The following CDO1 variants were observed in gnomAD, a reference collection of about 807,000 sequenced individuals.
The protein encoded by CDO1 is cysteine dioxygenase type 1.
In CDO1, 19 loss-of-function variants were observed where a neutral mutation model predicts 24.5. That is an observed-to-expected ratio of 0.77 (90% CI 0.54 to 1.14). The LOEUF is 1.14. CDO1 is among the 50% of genes most tolerant of loss of function. The pLI, the probability that CDO1 is intolerant of heterozygous loss-of-function variation, is 0.00. For missense variants in CDO1, 244 were observed against 244.8 expected (o/e 1.00, Z 0.02); for synonymous variants, 91 against 87.0 (o/e 1.05, Z -0.26).
chr5:115,815,824 C>G (rs1020664794), intron 1 of CDO1, among the ~76,000 whole-genome samples: 1 of 152,230 alleles, frequency 6.6e-6, no homozygotes, highest in African/African-American at 2.4e-5. Flanking sequence ...TGAGTGCGGT[C>G]TCTCCGCATC....
intron 3 of CDO1, among the ~76,000 whole-genome samples, chr5:115,810,216 T>C (rs1284190776): frequency 6.6e-6 from 1 of 152,194 alleles, no homozygotes; most frequent in African/African-American, 2.4e-5. Flanking sequence ...GAATCAGAGC[T>C]TCCTGCCACA....
At chr5:115,814,941 C>G (rs1175924271) in intron 1 of CDO1, among the ~76,000 whole-genome samples, 2 of 152,190 alleles carry the variant, frequency 1.3e-5, no homozygotes, top group East Asian at 3.9e-4. Context: ...GCTAGACTCT[C>G]TGCTAGCTTT....
At chr5:115,816,100 G>T (rs1760428236) in intron 1 of CDO1, 128 bp downstream of exon 1, 13 of 927,156 alleles carry the variant, frequency 1.4e-5, no homozygotes, top group Non-Finnish European at 1.7e-5. Flanking sequence ...CCAGCGAGGG[G>T]GCGAGCGGCG....
At chr5:115,813,341 A>G (rs1760282127) in intron 1 of CDO1, 83 bp from the exon 2 acceptor site, 2 of 737,322 alleles carry the variant, frequency 2.7e-6, no homozygotes, top group Non-Finnish European at 4.8e-6. Flanking sequence ...ACCAAGTACC[A>G]TTTATTCACA....
intron 2 of CDO1, among the ~76,000 whole-genome samples, chr5:115,812,658 G>C (rs1025693639): frequency 6.6e-6 from 1 of 152,100 alleles, no homozygotes; most frequent in African/African-American, 2.4e-5. Flanking sequence ...ATTCATTTTG[G>C]GGGCTGGTTT....
Position 115,805,465 on chromosome 5 carries a change from G to A in CDO1, c.574-3C>T. 1.2e-6 allele frequency: 2 copies of A among 1,613,478 alleles called. No homozygotes were observed. The highest frequency in any genetic ancestry group is 1.7e-6 in the Non-Finnish European group (2 of 1,179,646). On this transcript the variant is annotated splice_polypyrimidine_tract_variant and splice_region_variant and intron_variant, in intron 4 of 4. Coordinates refer to ENST00000250535, the MANE Select transcript of CDO1 (RefSeq NM_001801.3). Reference sequence around the variant, plus strand: ...TTCTCCAGCGAGCCCGAAGTTGCCTGTAAAAAAGGGAAAAAAAGAAAGCTG... The same window carrying A: ...TTCTCCAGCGAGCCCGAAGTTGCCTATAAAAAAGGGAAAAAAAGAAAGCTG...
Position 115,811,281 on chromosome 5 carries a change from G to A in CDO1, c.283C>T (p.Leu95=). ...TTTAGATTTCCCTGTAGCATCTTCA[G>A]AAAGCAGTGGGAGTTGGTATGATCA... The part of the protein sequence containing the change: ...IHDHTNSHCF[L]KMLQGNLKET... Residue 95 remains leucine (L), a synonymous_variant, in exon 3 of 5, where the codon CTG becomes TTG. Transcript: ENST00000250535. The A allele has an allele frequency of 6.2e-7, 1 of 1,613,230 alleles. No homozygotes were observed. Among genetic ancestry groups the A allele is most frequent in the Non-Finnish European group, 8.5e-7 (1 of 1,179,418 alleles).
chr5:115,811,454 T>C (rs1220225778), intron 2 of CDO1, 139 bp from the exon 3 acceptor site: 2 of 593,352 alleles, frequency 3.4e-6, no homozygotes, highest in Admixed American at 6.2e-5. Context: ...GCTGAATTTT[T>C]AAAATGTTAT....
At position 115,811,296 on chromosome 5, in the gene CDO1, T is replaced by C. The variant is rs764359898; in HGVS notation, c.268A>G (p.Asn90Asp). 2 of 1,612,904 alleles carry C rather than the reference T, an allele frequency of 1.2e-6. No individual in the cohort carries two copies. Among genetic ancestry groups the C allele is most frequent in the South Asian group, 1.1e-5 (1 of 91,050 alleles). The change falls in exon 3 of 5, where the codon AAC becomes GAC. Residue 90 changes from asparagine (N) to aspartate (D), a missense_variant. Transcript: ENST00000250535. ...GHGSSIHDHT[N>D]SHCFLKMLQG... ...AGCATCTTCAGAAAGCAGTGGGAGT[T>C]GGTATGATCATGAATACTGCTATAT...
chr5:115,811,458 A>G (rs1335591966), intron 2 of CDO1, 143 bp from the exon 3 acceptor site: 5 of 590,376 alleles, frequency 8.5e-6, no homozygotes, highest in Non-Finnish European at 1.5e-5. Flanking sequence ...AATTTTTAAA[A>G]TGTTATCAAC....
At chr5:115,812,800 C>T (rs1024584641) in intron 2 of CDO1, among the ~76,000 whole-genome samples, 13 of 152,106 alleles carry the variant, frequency 8.5e-5, no homozygotes, top group African/African-American at 2.7e-4. Context: ...GTAATCCCAG[C>T]ACTTTGGGAT....
chr5:115,811,085 A>G, intron 3 of CDO1, 76 bp downstream of exon 3: 2 of 1,327,870 alleles, frequency 1.5e-6, no homozygotes, highest in South Asian at 1.3e-5. Flanking sequence ...CTGCATAAAA[A>G]GTGTAAGTAA....
chr5:115,815,934 A>T (rs568319474), intron 1 of CDO1, among the ~76,000 whole-genome samples: 1 of 152,296 alleles, frequency 6.6e-6, no homozygotes, highest in South Asian at 2.1e-4. Context: ...TTTGCGGGAG[A>T]GAAGAGAACA....
rs944093622 is a variant in CDO1, at chr5:115,805,581, C to T, written c.574-119G>A. 9 of 831,464 alleles carry T rather than the reference C, an allele frequency of 1.1e-5. No homozygotes were observed. In the Admixed American group the frequency reaches 1.5e-4, roughly 14 times the overall value. The allele number at this position is 831,464 out of a possible 1,614,324, so 51.5% of individuals were successfully genotyped here. ...GAAAACTCAGCAAGGGCAAGGGAGCCTTGTTGTTTTTCCCGCAATAAGAAT... is the reference window on the plus strand; with the variant it reads ...GAAAACTCAGCAAGGGCAAGGGAGCTTTGTTGTTTTTCCCGCAATAAGAAT... On this transcript the variant is annotated intron_variant, in intron 4 of 4. Coordinates refer to ENST00000250535, the MANE Select transcript of CDO1 (RefSeq NM_001801.3).
Position 115,816,636 on chromosome 5 carries a change from C to T in CDO1, c.-239G>A, listed in dbSNP as rs1760469470. 1.8e-6 allele frequency: 1 copy of T among 544,338 alleles called. No individual in the cohort carries two copies. The highest frequency in any genetic ancestry group is 3.3e-6 in the Non-Finnish European group (1 of 301,474). 33.7% of individuals were successfully genotyped at this position (544,338 alleles called of 1,614,324 possible). ...CCGGGATCGCTGGAGACGCGGTGCACACACAAATCAGGTTCAGATCTGTGG... is the reference window on the plus strand; with the variant it reads ...CCGGGATCGCTGGAGACGCGGTGCATACACAAATCAGGTTCAGATCTGTGG... On this transcript the variant is annotated 5_prime_UTR_variant, in exon 1 of 5. In the 5' UTR this introduces an upstream ATG that the reference lacks. Coordinates refer to ENST00000250535, the MANE Select transcript of CDO1 (RefSeq NM_001801.3).
intron 2 of CDO1, among the ~76,000 whole-genome samples, chr5:115,812,480 T>A (rs1760231348): frequency 6.6e-6 from 1 of 152,230 alleles, no homozygotes. Context: ...GAATTTGCAA[T>A]GCTTTTCTAG....
rs558096023 is a variant in CDO1, at chr5:115,811,400, T to G, written c.249-85A>C. The G allele has an allele frequency of 2.8e-5, 26 of 934,864 alleles. 1 individual carries two copies. In the South Asian group the frequency reaches 3.9e-4, roughly 14 times the overall value. The allele number at this position is 934,864 out of a possible 1,614,324, so 57.9% of individuals were successfully genotyped here. ...TAACAGTCTTCCCAGAACTGACACCTGCATACTGTCAATAAGCTATCTCCC... is the reference window on the plus strand; with the variant it reads ...TAACAGTCTTCCCAGAACTGACACCGGCATACTGTCAATAAGCTATCTCCC... On this transcript the variant is annotated intron_variant, in intron 2 of 4. Coordinates refer to ENST00000250535, the MANE Select transcript of CDO1 (RefSeq NM_001801.3).
chr5:115,811,748 C>T (rs1295101691), intron 2 of CDO1, among the ~76,000 whole-genome samples: 1 of 152,148 alleles, frequency 6.6e-6, no homozygotes, highest in Admixed American at 6.5e-5. Context: ...CTGAGAAGAT[C>T]CACTTAACAT....
chr5:115,816,085 GCT>G, intron 1 of CDO1, 141 bp downstream of exon 1: 1 of 704,798 alleles, frequency 1.4e-6, no homozygotes, highest in Non-Finnish European at 2.2e-6. Flanking sequence ...CAGCCCCGCG[GCT>G]GGCCAGCGAG....
Sources: allele counts gnomAD v4.1 joint callset (sites outside exome capture counted in the v4.1 genomes callset), GRCh38; gene constraint gnomAD v4.1.1; transcripts MANE v1.5; gene names NCBI Gene and HGNC (gene_info 2026-07-23, HGNC 2026-07-21).